The following INPP4A variants were observed in gnomAD, a reference collection of about 807,000 sequenced individuals.
INPP4A encodes the protein inositol polyphosphate-4-phosphatase type I A.
In INPP4A, 33 loss-of-function variants were observed where a neutral mutation model predicts 119.8. The observed-to-expected ratio is 0.28, with a 90% CI of 0.21 to 0.37. INPP4A has a LOEUF of 0.37. INPP4A is among the 10% of genes least tolerant of loss of function. The probability of loss-of-function intolerance (pLI) is 1.00; values close to 1 mark genes in which losing one functional copy is unlikely to be tolerated. For synonymous variants in INPP4A, 496 were observed against 500.7 expected, an observed-to-expected ratio of 0.99 and a Z score of 0.12; for missense variants, 956 against 1,289.9, an observed-to-expected ratio of 0.74 and a Z score of 3.97.
intron 13 of INPP4A, among the ~76,000 whole-genome samples, chr2:98,547,189 T>C (rs954832919): frequency 1.3e-5 from 2 of 152,176 alleles, no homozygotes; most frequent in African/African-American, 4.8e-5. Context: ...GGCAGAAGCA[T>C]TGCACATGGT....
At chr2:98,580,061 G>T (rs1344656684) in intron 24 of INPP4A, among the ~76,000 whole-genome samples, 2 of 152,256 alleles carry the variant, frequency 1.3e-5, no homozygotes, top group African/African-American at 4.8e-5. Flanking sequence ...TGTTCAGGCG[G>T]CTGCAAGCCG....
chr2:98,488,502 C>T (rs140865506), intron 1 of INPP4A, among the ~76,000 whole-genome samples: 31 of 152,270 alleles, frequency 2.0e-4, no homozygotes, highest in African/African-American at 4.3e-4. Context: ...GTTCTGTACC[C>T]GAAATTGTCT....
chr2:98,576,931 G>A (rs1454865338), intron 23 of INPP4A, 58 bp from the exon 24 acceptor site: 1 of 1,569,186 alleles, frequency 6.4e-7, no homozygotes, highest in Non-Finnish European at 8.7e-7. Context: ...TGTGTGTGAA[G>A]GGTGCTGCCT....
chr2:98,482,878 A>C (rs553520885), intron 1 of INPP4A, among the ~76,000 whole-genome samples: 30 of 152,366 alleles, frequency 2.0e-4, no homozygotes, highest in African/African-American at 7.2e-4. Flanking sequence ...AAGTACTTCC[A>C]AACCTGACAC....
chr2:98,571,132 C>A (rs139443643), intron 22 of INPP4A, among the ~76,000 whole-genome samples: 137 of 152,312 alleles, frequency 9.0e-4, no homozygotes, highest in African/African-American at 3.2e-3. Flanking sequence ...TAGCAGGGAC[C>A]GGAGTTCAAA....
At chr2:98,491,772 T>A (rs1393918826) in intron 1 of INPP4A, among the ~76,000 whole-genome samples, 1 of 152,216 alleles carries the variant, frequency 6.6e-6, no homozygotes, top group African/African-American at 2.4e-5. Context: ...TTTAACTGTG[T>A]TGTGATTCTC....
chr2:98,581,442 T>TA (rs1699290621), intron 24 of INPP4A: 2 of 912,002 alleles, frequency 2.2e-6, no homozygotes, highest in South Asian at 4.1e-5. Flanking sequence ...CATTTTTTTT[T>TA]AACCTTATCT....
chr2:98,556,775 G>GC (rs1207275515), intron 16 of INPP4A, among the ~76,000 whole-genome samples: 1 of 152,190 alleles, frequency 6.6e-6, no homozygotes, highest in East Asian at 1.9e-4. Flanking sequence ...GTTGTAAGAT[G>GC]CCCTTTGCCT....
At chr2:98,560,813 C>G (rs535421513) in intron 17 of INPP4A, among the ~76,000 whole-genome samples, 6 of 152,334 alleles carry the variant, frequency 3.9e-5, no homozygotes, top group Non-Finnish European at 8.8e-5. Flanking sequence ...TGCATCTGCC[C>G]CCACAGAAGC....
At chr2:98,572,730 CCAG>C in intron 22 of INPP4A, 82 bp from the exon 23 acceptor site, 1 of 840,032 alleles carries the variant, frequency 1.2e-6, no homozygotes, top group Non-Finnish European at 1.8e-6. Flanking sequence ...ACTGTGTGCC[CCAG>C]CAGCTCACTT....
chr2:98,517,682 C>T (rs987309900), intron 1 of INPP4A, among the ~76,000 whole-genome samples: 2 of 152,186 alleles, frequency 1.3e-5, no homozygotes, highest in African/African-American at 4.8e-5. Context: ...ATGGATGTTC[C>T]AGAACATTCT....
intron 1 of INPP4A, among the ~76,000 whole-genome samples, chr2:98,510,088 A>T (rs12619665): frequency 0.31 from 47,113 of 152,108 alleles, 7,660 homozygotes; most frequent in African/African-American, 0.41. Context: ...CCGTCATTGC[A>T]GTTGGACACA....
intron 24 of INPP4A, among the ~76,000 whole-genome samples, chr2:98,580,786 T>A (rs1413426941): frequency 6.6e-6 from 1 of 152,226 alleles, no homozygotes; most frequent in Admixed American, 6.5e-5. Context: ...TCTGTGTCAC[T>A]GCTGCCACTT....
chr2:98,520,088 G>A lies in INPP4A; in HGVS notation c.40G>A (p.Ala14Thr), dbSNP rs1317557542. ...REHSPRHGARARAMQRASTID... is the reference protein window; with the variant it reads ...REHSPRHGARTRAMQRASTID... Reference sequence around the variant, plus strand: ...GCACAGCCCTCGCCATGGTGCCAGGGCCCGTGCAATGCAGCGGGCTTCCAC... The same window carrying A: ...GCACAGCCCTCGCCATGGTGCCAGGACCCGTGCAATGCAGCGGGCTTCCAC... Residue 14 changes from alanine to threonine, a missense_variant, in exon 3 of 25, where the codon GCC becomes ACC. This residue lies in a region of INPP4A where 652 missense variants were observed against 797.9 expected (regional missense o/e 0.82). Transcript: ENST00000409851. 1.3e-6 allele frequency: 2 copies of A among 1,581,968 alleles called. No individual in the cohort carries two copies. The highest frequency in any genetic ancestry group is 1.2e-5 in the South Asian group (1 of 86,580).
At chr2:98,538,105 G>T in intron 8 of INPP4A, 131 bp downstream of exon 8, 1 of 630,706 alleles carries the variant, frequency 1.6e-6, no homozygotes, top group Middle Eastern at 4.3e-4. Context: ...TGCTCCCCAC[G>T]GACACTCCGG....
intron 1 of INPP4A, among the ~76,000 whole-genome samples, chr2:98,506,173 A>G (rs1383174268): frequency 6.6e-6 from 1 of 151,500 alleles, no homozygotes; most frequent in African/African-American, 2.4e-5. Context: ...TTATGAAGAC[A>G]TGGGTGGGGA....
chr2:98,470,225 C>G (rs1226640198), intron 1 of INPP4A, among the ~76,000 whole-genome samples: 1 of 152,214 alleles, frequency 6.6e-6, no homozygotes, highest in Non-Finnish European at 1.5e-5. Context: ...CAGAGTGTTT[C>G]CCTGTGGTCC....
intron 13 of INPP4A, among the ~76,000 whole-genome samples, chr2:98,547,964 C>T (rs923064829): frequency 6.6e-6 from 1 of 152,152 alleles, no homozygotes; most frequent in Non-Finnish European, 1.5e-5. Flanking sequence ...AGGTGAAGAG[C>T]TCTGGCATGT....
chr2:98,513,906 G>GT (rs1558981016), intron 1 of INPP4A, among the ~76,000 whole-genome samples: 1 of 152,142 alleles, frequency 6.6e-6, no homozygotes, highest in African/African-American at 2.4e-5. Context: ...CTAGGTGCCC[G>GT]TTGTTCTCTT....
Sources: allele counts gnomAD v4.1 joint callset (sites outside exome capture counted in the v4.1 genomes callset), GRCh38; gene constraint gnomAD v4.1.1; regional missense constraint gnomAD v4.1.1; transcripts MANE v1.5; gene names NCBI Gene and HGNC (gene_info 2026-07-23, HGNC 2026-07-21).